Variants in PCSK2 observed in about 807,000 individuals in gnomAD.
PCSK2 encodes neuroendocrine convertase 2.
A neutral mutation model predicts 69.7 loss-of-function variants in PCSK2; 14 were observed. That is an observed-to-expected ratio of 0.20 (90% CI 0.13 to 0.31). PCSK2 has a LOEUF of 0.31. Among genes scored for constraint, PCSK2 ranks in the 10% least tolerant of loss-of-function variants. The pLI, the probability that PCSK2 is intolerant of heterozygous loss-of-function variation, is 1.00. For synonymous variants in PCSK2, 307 were observed against 320.7 expected, an observed-to-expected ratio of 0.96 and a Z score of 0.46; for missense variants, 544 against 842.5, an observed-to-expected ratio of 0.65 and a Z score of 4.39.
At chr20:17,446,776 ATG>A (rs1431211502) in intron 8 of PCSK2, among the ~76,000 whole-genome samples, 3 of 152,244 alleles carry the variant, frequency 2.0e-5, no homozygotes, top group African/African-American at 7.2e-5. Context: ...GCAATTTAAA[ATG>A]TGTTTATTTT....
chr20:17,241,276 G>A (rs372877220), intron 1 of PCSK2, among the ~76,000 whole-genome samples: 82 of 152,254 alleles, frequency 5.4e-4, no homozygotes, highest in African/African-American at 1.8e-3. Context: ...ACGGTTTTTC[G>A]GAGGATTGCA....
chr20:17,241,394 T>C (rs1056165368), intron 1 of PCSK2, among the ~76,000 whole-genome samples: 11 of 152,146 alleles, frequency 7.2e-5, no homozygotes, highest in Non-Finnish European at 1.3e-4. Context: ...AATTTGGATT[T>C]TGCAGGTAGG....
rs1173617232 is a variant in PCSK2 at position 17,344,638 on chromosome 20, A to ACCTT, written c.283-13689_283-13688insCCTT. Among the ~76,000 whole-genome samples the ACCTT allele has an allele frequency of 1.6e-4, 4 of 25,342 alleles. No individual in the cohort carries two copies. In the Admixed American group the frequency reaches 2.1e-3, roughly 14 times the overall value. The allele number at this position is 25,342 out of a possible 152,430, so 16.6% of individuals were successfully genotyped here. On this transcript the variant is annotated intron_variant, in intron 2 of 11. Coordinates refer to ENST00000262545, the MANE Select transcript of PCSK2 (RefSeq NM_002594.5). ...AATTCATTTGTATTCTGTAGCAGAC[A>ACCTT]GCTTGTTTGTTCCCCATTGAAAACC...
At chr20:17,448,615 C>T (rs1356290708) in intron 8 of PCSK2, among the ~76,000 whole-genome samples, 2 of 151,996 alleles carry the variant, frequency 1.3e-5, no homozygotes, top group Non-Finnish European at 2.9e-5. Flanking sequence ...TTGTCCTTTG[C>T]ATAGAAGTTT....
chr20:17,482,126 G>A lies in PCSK2; in HGVS notation c.*56G>A, dbSNP rs1462659705. ...CCTCCCCAGCTCCGCCTCTGTCCTC[G>A]CTCCACGTTTCAGGCAGGCACCTAG... On this transcript the variant is annotated 3_prime_UTR_variant, in exon 12 of 12. Transcript: ENST00000262545. 3.4e-6 allele frequency: 5 copies of A among 1,490,800 alleles called. No homozygotes were observed. Among genetic ancestry groups the A allele is most frequent in the East Asian group, 4.6e-5 (2 of 43,344 alleles). 92.3% of individuals were successfully genotyped at this position (1,490,800 alleles called of 1,614,324 possible). A position where few individuals can be genotyped will look rare whatever the true frequency, so the allele number is the denominator to read the frequency against.
At chr20:17,420,981 T>C (rs751856974) in intron 6 of PCSK2, among the ~76,000 whole-genome samples, 2 of 152,180 alleles carry the variant, frequency 1.3e-5, no homozygotes, top group Non-Finnish European at 2.9e-5. Flanking sequence ...CAAAGATTAT[T>C]CAACGACAAA....
At position 17,241,041 on chromosome 20, in the gene PCSK2, C is replaced by T. The variant is rs545858182; in HGVS notation, c.177+13559C>T. On this transcript the variant is annotated intron_variant, in intron 1 of 11. Coordinates refer to ENST00000262545, the MANE Select transcript of PCSK2 (RefSeq NM_002594.5). ...CGAATGTCTTTCTAGGATCAGTTCGCGCTGATTACAGACAAATGGGAGTGC... is the reference window on the plus strand; with the variant it reads ...CGAATGTCTTTCTAGGATCAGTTCGTGCTGATTACAGACAAATGGGAGTGC... Among the ~76,000 whole-genome samples, 8 of 152,232 alleles carry T rather than the reference C, an allele frequency of 5.3e-5. No individual in the cohort carries two copies. The East Asian group carries it at 5.8e-4, about 11-fold the overall frequency.
intron 2 of PCSK2, among the ~76,000 whole-genome samples, chr20:17,308,651 T>A (rs1989405318): frequency 6.6e-6 from 1 of 152,228 alleles, no homozygotes; most frequent in South Asian, 2.1e-4. Flanking sequence ...AGCTAAGTAT[T>A]CTTGCATGTC....
intron 2 of PCSK2, among the ~76,000 whole-genome samples, chr20:17,312,097 G>C (rs1989535956): frequency 6.6e-6 from 1 of 152,128 alleles, no homozygotes; most frequent in Non-Finnish European, 1.5e-5. Context: ...TTTCATCAAA[G>C]GTTCTTTACA....
chr20:17,340,828 A>G (rs1332504717), intron 2 of PCSK2, among the ~76,000 whole-genome samples: 1 of 152,124 alleles, frequency 6.6e-6, no homozygotes, highest in Non-Finnish European at 1.5e-5. Flanking sequence ...TTTAAATGAG[A>G]TAAGCTTTAC....
chr20:17,339,221 C>A (rs1990440350), intron 2 of PCSK2, among the ~76,000 whole-genome samples: 1 of 152,162 alleles, frequency 6.6e-6, no homozygotes. Flanking sequence ...AACCTGGTGG[C>A]TTTCATTTGC....
At chr20:17,239,207 G>T (rs1986459192) in intron 1 of PCSK2, among the ~76,000 whole-genome samples, 3 of 152,106 alleles carry the variant, frequency 2.0e-5, no homozygotes, top group African/African-American at 7.2e-5. Flanking sequence ...CTCTATTTCT[G>T]TGGGAAGAAA....
intron 9 of PCSK2, 36 bp from the exon 10 acceptor site, chr20:17,456,312 A>C: frequency 8.7e-7 from 1 of 1,146,670 alleles, no homozygotes; most frequent in East Asian, 2.3e-5. Flanking sequence ...AAATAGCGTG[A>C]TTTATCCACT....
At chr20:17,440,184 G>C (rs1027515796) in intron 8 of PCSK2, among the ~76,000 whole-genome samples, 6 of 152,186 alleles carry the variant, frequency 3.9e-5, no homozygotes, top group Admixed American at 3.9e-4. Flanking sequence ...AAAATGGTCT[G>C]AGTCAGTGCT....
chr20:17,358,611 T>C (rs2030287661), intron 3 of PCSK2, among the ~76,000 whole-genome samples, 171 bp downstream of exon 3: 1 of 152,236 alleles, frequency 6.6e-6, no homozygotes, highest in South Asian at 2.1e-4. Flanking sequence ...CATCTAGTTC[T>C]CTAATCTGCT....
chr20:17,332,952 C>T (rs144899972), intron 2 of PCSK2, among the ~76,000 whole-genome samples: 106 of 152,254 alleles, frequency 7.0e-4, no homozygotes, highest in African/African-American at 2.1e-3. Context: ...GCACAAGTCA[C>T]CCTAAATTGG....
chr20:17,331,080 A>T (rs1360142826), intron 2 of PCSK2, among the ~76,000 whole-genome samples: 1 of 152,056 alleles, frequency 6.6e-6, no homozygotes, highest in Non-Finnish European at 1.5e-5. Context: ...GTCATAGGAG[A>T]TGGGGATTGA....
chr20:17,445,202 C>A (rs1344879135), intron 8 of PCSK2, among the ~76,000 whole-genome samples: 1 of 152,180 alleles, frequency 6.6e-6, no homozygotes, highest in African/African-American at 2.4e-5. Flanking sequence ...GACACAGCAT[C>A]TTATTTTGCT....
intron 7 of PCSK2, among the ~76,000 whole-genome samples, chr20:17,434,431 A>T (rs1379022014): frequency 6.6e-6 from 1 of 152,170 alleles, no homozygotes; most frequent in Non-Finnish European, 1.5e-5. Flanking sequence ...TGCATGCCTC[A>T]TTCCTCTTGA....
Sources: allele counts gnomAD v4.1 joint callset (sites outside exome capture counted in the v4.1 genomes callset), GRCh38; gene constraint gnomAD v4.1.1; transcripts MANE v1.5; gene names NCBI Gene and HGNC (gene_info 2026-07-23, HGNC 2026-07-21).